The following TMEM117 variants were observed in gnomAD, a reference collection of about 807,000 sequenced individuals.
The protein encoded by TMEM117 is transmembrane protein 117.
In TMEM117, 27 loss-of-function variants were observed where a neutral mutation model predicts 52.4. The observed-to-expected ratio is 0.51, with a 90% CI of 0.38 to 0.71. The LOEUF is 0.71. Among genes scored for constraint, TMEM117 ranks in the 30% least tolerant of loss-of-function variants. The probability of loss-of-function intolerance (pLI) is 0.00; values close to 1 mark genes in which losing one functional copy is unlikely to be tolerated. For synonymous variants in TMEM117, 215 were observed against 206.3 expected, an observed-to-expected ratio of 1.04 and a Z score of -0.36; for missense variants, 556 against 630.5, an observed-to-expected ratio of 0.88 and a Z score of 1.26.
chr12:44,294,230 T>TC (rs1950739868), intron 5 of TMEM117, among the ~76,000 whole-genome samples: 1 of 152,268 alleles, frequency 6.6e-6, no homozygotes, highest in South Asian at 2.1e-4. Flanking sequence ...CTTTAAAGTT[T>TC]CCCTCTTTAT....
chr12:43,951,321 A>G (rs948116391), intron 3 of TMEM117, among the ~76,000 whole-genome samples: 3 of 152,204 alleles, frequency 2.0e-5, no homozygotes, highest in Non-Finnish European at 2.9e-5. Context: ...AAAGGGGCTT[A>G]AGCCAGGGAG....
At chr12:44,026,821 G>A (rs1019492533) in intron 3 of TMEM117, among the ~76,000 whole-genome samples, 1 of 151,834 alleles carries the variant, frequency 6.6e-6, no homozygotes, top group African/African-American at 2.4e-5. Flanking sequence ...ATTATTTTCT[G>A]TTTGTATATA....
intron 2 of TMEM117, among the ~76,000 whole-genome samples, chr12:43,942,257 A>G (rs1381509266): frequency 6.6e-6 from 1 of 152,210 alleles, no homozygotes; most frequent in Non-Finnish European, 1.5e-5. Context: ...TCTGGCATGT[A>G]ATAGGCACAC....
intron 6 of TMEM117, among the ~76,000 whole-genome samples, chr12:44,336,146 G>A (rs1267093853): frequency 6.6e-6 from 1 of 151,928 alleles, no homozygotes; most frequent in East Asian, 1.9e-4. Flanking sequence ...GTATAGTATT[G>A]TGTTTAAAAG....
intron 2 of TMEM117, among the ~76,000 whole-genome samples, chr12:43,904,615 T>C (rs1944355075): frequency 6.6e-6 from 1 of 152,130 alleles, no homozygotes; most frequent in South Asian, 2.1e-4. Flanking sequence ...GACTCCTTTG[T>C]GTACTCAATA....
chr12:44,187,305 TCAAAA>T (rs1275071652), intron 4 of TMEM117, among the ~76,000 whole-genome samples: 23 of 152,262 alleles, frequency 1.5e-4, no homozygotes, highest in African/African-American at 5.5e-4. Flanking sequence ...TATATGCTTA[TCAAAA>T]CAAAATTCTT....
chr12:44,152,868 A>G (rs894405368), intron 4 of TMEM117, among the ~76,000 whole-genome samples: 5 of 146,228 alleles, frequency 3.4e-5, no homozygotes, highest in Non-Finnish European at 7.5e-5. Flanking sequence ...CATTATATTT[A>G]TGGAACCATT....
chr12:43,947,336 A>G (rs891903350), intron 3 of TMEM117, among the ~76,000 whole-genome samples: 25 of 152,212 alleles, frequency 1.6e-4, no homozygotes, highest in African/African-American at 5.5e-4. Flanking sequence ...CTCTGCCTCT[A>G]AAAAGAAAAA....
intron 6 of TMEM117, among the ~76,000 whole-genome samples, chr12:44,351,683 A>T (rs1391182901): frequency 6.6e-6 from 1 of 151,866 alleles, no homozygotes; most frequent in Non-Finnish European, 1.5e-5. Context: ...ATATATTCTG[A>T]TTCATATAGA....
intron 3 of TMEM117, among the ~76,000 whole-genome samples, chr12:44,025,365 A>G (rs560715337): frequency 2.0e-5 from 3 of 152,304 alleles, no homozygotes; most frequent in African/African-American, 7.2e-5. Context: ...GCTTAAATTA[A>G]TAATTATTCA....
intron 6 of TMEM117, among the ~76,000 whole-genome samples, chr12:44,300,596 GAT>G (rs1222375531): frequency 6.6e-6 from 1 of 152,102 alleles, no homozygotes; most frequent in African/African-American, 2.4e-5. Context: ...CTTTATGAGA[GAT>G]ATTCAGTGTT....
chr12:43,810,347 G>T, the TMEM117 span, among the ~76,000 whole-genome samples: 3 of 152,224 alleles, frequency 2.0e-5, no homozygotes, highest in Admixed American at 2.0e-4. Flanking sequence ...CTCTGTCTTT[G>T]CTAGTGATGC....
At chr12:44,365,760 A>G (rs556830679) in intron 6 of TMEM117, among the ~76,000 whole-genome samples, 11 of 151,860 alleles carry the variant, frequency 7.2e-5, no homozygotes, top group African/African-American at 2.7e-4. Flanking sequence ...TTTTATTATT[A>G]TTATTATTAT....
upstream of TMEM117, among the ~76,000 whole-genome samples, chr12:43,834,300 G>T (rs1412545895): frequency 5.3e-5 from 8 of 152,064 alleles, no homozygotes; most frequent in Non-Finnish European, 1.2e-4. Flanking sequence ...ATTAATTACA[G>T]TTATAAAAGC....
chr12:44,398,085 T>C, the TMEM117 span, among the ~76,000 whole-genome samples: 343 of 149,258 alleles, frequency 2.3e-3, 2 homozygotes, highest in African/African-American at 8.5e-3. Flanking sequence ...GTGGTTGTTT[T>C]TTTTTTTTGT....
At chr12:43,882,878 G>T in intron 2 of TMEM117, among the ~76,000 whole-genome samples, 1 of 152,232 alleles carries the variant, frequency 6.6e-6, no homozygotes, top group South Asian at 2.1e-4. Flanking sequence ...TAAGATTAAC[G>T]ATAAAGATGT....
At chr12:43,899,105 A>T (rs370390140) in intron 2 of TMEM117, among the ~76,000 whole-genome samples, 1 of 152,214 alleles carries the variant, frequency 6.6e-6, no homozygotes, top group South Asian at 2.1e-4. Context: ...AATTCAATAC[A>T]AGTCCTAATC....
chr12:43,834,967 C>G (rs1007293672), upstream of TMEM117, among the ~76,000 whole-genome samples: 3 of 152,204 alleles, frequency 2.0e-5, no homozygotes, highest in Non-Finnish European at 2.9e-5. Flanking sequence ...TTGCCATCCA[C>G]CCATTCCTGA....
chr12:44,144,152 C>A (rs1410063274), intron 4 of TMEM117, among the ~76,000 whole-genome samples: 1 of 152,132 alleles, frequency 6.6e-6, no homozygotes, highest in Non-Finnish European at 1.5e-5. Flanking sequence ...AGTATTATCT[C>A]TTTTAATCTC....
Sources: allele counts gnomAD v4.1 joint callset (sites outside exome capture counted in the v4.1 genomes callset), GRCh38; gene constraint gnomAD v4.1.1; transcripts MANE v1.5; gene names NCBI Gene and HGNC (gene_info 2026-07-23, HGNC 2026-07-21).